The following SH3GL2 variants were observed in gnomAD, a reference collection of about 807,000 sequenced individuals.
The protein encoded by SH3GL2 is endophilin-A1.
A neutral mutation model predicts 46.0 loss-of-function variants in SH3GL2; 24 were observed. That is an observed-to-expected ratio of 0.52 (90% CI 0.38 to 0.73). The LOEUF is 0.73. Among genes scored for constraint, SH3GL2 ranks in the 30% least tolerant of loss-of-function variants. SH3GL2 has a pLI of 0.00. For synonymous variants in SH3GL2, 196 were observed against 147.1 expected, an observed-to-expected ratio of 1.33 and a Z score of -2.40; for missense variants, 413 against 424.2, an observed-to-expected ratio of 0.97 and a Z score of 0.23.
At chr9:17,692,297 G>C (rs1821102087) in intron 1 of SH3GL2, among the ~76,000 whole-genome samples, 1 of 150,096 alleles carries the variant, frequency 6.7e-6, no homozygotes, top group African/African-American at 2.5e-5. Flanking sequence ...TTTTTTGCCT[G>C]AAGAAACCCT....
intron 1 of SH3GL2, among the ~76,000 whole-genome samples, chr9:17,654,054 C>G (rs1053222037): frequency 6.6e-6 from 1 of 152,194 alleles, no homozygotes; most frequent in Non-Finnish European, 1.5e-5. Context: ...ACCCCCCTCT[C>G]TCATTAGCAG....
chr9:17,783,938 A>T (rs1018511633), intron 3 of SH3GL2, among the ~76,000 whole-genome samples: 8 of 152,178 alleles, frequency 5.3e-5, no homozygotes, highest in African/African-American at 1.9e-4. Context: ...GCTCACTCTC[A>T]GTTTCTTAAA....
At chr9:17,742,407 T>A (rs902414107) in intron 1 of SH3GL2, among the ~76,000 whole-genome samples, 1 of 152,146 alleles carries the variant, frequency 6.6e-6, no homozygotes, top group Non-Finnish European at 1.5e-5. Flanking sequence ...TTTTTCTTAT[T>A]TGGTATATGG....
At chr9:17,633,818 T>C (rs940671212) in intron 1 of SH3GL2, among the ~76,000 whole-genome samples, 7 of 152,204 alleles carry the variant, frequency 4.6e-5, no homozygotes, top group South Asian at 2.1e-4. Context: ...AATACCTTTT[T>C]GGGGAGTAGG....
intron 3 of SH3GL2, among the ~76,000 whole-genome samples, chr9:17,772,777 C>A (rs1221750048): frequency 6.6e-6 from 1 of 152,098 alleles, no homozygotes; most frequent in Admixed American, 6.6e-5. Flanking sequence ...CACATTTTAG[C>A]TATTGTGAAT....
intron 3 of SH3GL2, among the ~76,000 whole-genome samples, chr9:17,779,919 A>T (rs921896528): frequency 6.6e-6 from 1 of 152,106 alleles, no homozygotes; most frequent in Non-Finnish European, 1.5e-5. Context: ...TGTGTTCTTT[A>T]TCTCACATTT....
intron 1 of SH3GL2, among the ~76,000 whole-genome samples, chr9:17,611,000 A>G (rs1421761084): frequency 6.6e-6 from 1 of 152,212 alleles, no homozygotes. Context: ...ATTTCTTCTT[A>G]GTGAAGGTTC....
intron 1 of SH3GL2, among the ~76,000 whole-genome samples, chr9:17,702,457 C>T (rs1222380988): frequency 6.6e-6 from 1 of 151,792 alleles, no homozygotes; most frequent in Admixed American, 6.6e-5. Flanking sequence ...AAAAAAACAC[C>T]CATGAGCTGG....
intron 1 of SH3GL2, among the ~76,000 whole-genome samples, chr9:17,652,057 T>G (rs1428343059): frequency 6.6e-6 from 1 of 152,172 alleles, no homozygotes; most frequent in Admixed American, 6.5e-5. Context: ...TTTTTTTTAG[T>G]TCATTGATTT....
At chr9:17,608,004 C>G (rs928247033) in intron 1 of SH3GL2, among the ~76,000 whole-genome samples, 118 of 152,198 alleles carry the variant, frequency 7.8e-4, no homozygotes, top group African/African-American at 2.8e-3. Context: ...CAAGATTTTC[C>G]TTCACCTTAC....
At chr9:17,652,266 A>C (rs1386403499) in intron 1 of SH3GL2, among the ~76,000 whole-genome samples, 1 of 151,994 alleles carries the variant, frequency 6.6e-6, no homozygotes, top group Non-Finnish European at 1.5e-5. Context: ...TTCTCATTAT[A>C]CTTTAAGGAT....
intron 1 of SH3GL2, among the ~76,000 whole-genome samples, chr9:17,659,179 A>G (rs1262154889): frequency 6.6e-6 from 1 of 152,136 alleles, no homozygotes; most frequent in Non-Finnish European, 1.5e-5. Flanking sequence ...AGCGGCCACT[A>G]AGGTCCCTTC....
At chr9:17,729,831 G>A (rs965855969) in intron 1 of SH3GL2, among the ~76,000 whole-genome samples, 13 of 152,098 alleles carry the variant, frequency 8.5e-5, no homozygotes, top group Non-Finnish European at 1.3e-4. Flanking sequence ...ATCTGTTTTG[G>A]TATGAGTACC....
Position 17,604,558 on chromosome 9 carries a change from G to T in SH3GL2, c.45+25271G>T, listed in dbSNP as rs1404081132. ...AGTGGCAATTACTTGTTAGTTCTCTGTCCTTAGCCATGCTGCTTAATTTCT... is the reference window on the plus strand; with the variant it reads ...AGTGGCAATTACTTGTTAGTTCTCTTTCCTTAGCCATGCTGCTTAATTTCT... On this transcript the variant is annotated intron_variant, in intron 1 of 8. Coordinates refer to ENST00000380607, the MANE Select transcript of SH3GL2 (RefSeq NM_003026.5). Among the ~76,000 whole-genome samples the T allele has an allele frequency of 3.3e-5, 5 of 152,216 alleles. No individual in the cohort carries two copies. In the East Asian group the frequency reaches 5.8e-4, roughly 18 times the overall value.
chr9:17,761,620 C>G, intron 3 of SH3GL2, 111 bp downstream of exon 3: 2 of 802,068 alleles, frequency 2.5e-6, no homozygotes. Context: ...CTTCCTCGGT[C>G]CACTTTTCTG....
intron 3 of SH3GL2, among the ~76,000 whole-genome samples, chr9:17,774,417 G>C (rs910037353): frequency 2.6e-5 from 4 of 152,062 alleles, no homozygotes; most frequent in Non-Finnish European, 4.4e-5. Context: ...GATGTTCATT[G>C]TGAGGTTTTC....
intron 3 of SH3GL2, among the ~76,000 whole-genome samples, chr9:17,784,749 G>T (rs1003942986): frequency 6.6e-6 from 1 of 152,124 alleles, no homozygotes; most frequent in African/African-American, 2.4e-5. Flanking sequence ...ACAGGCTCTT[G>T]CTGTGTCACC....
intron 1 of SH3GL2, among the ~76,000 whole-genome samples, chr9:17,655,520 C>G (rs1820053274): frequency 6.6e-6 from 1 of 152,102 alleles, no homozygotes; most frequent in East Asian, 1.9e-4. Flanking sequence ...TAAGTTGAGT[C>G]TGAATAGTCA....
At chr9:17,761,614 C>G (rs1400553895) in intron 3 of SH3GL2, 105 bp downstream of exon 3, 3 of 810,510 alleles carry the variant, frequency 3.7e-6, no homozygotes, top group Non-Finnish European at 6.6e-6. Context: ...GTGTTGCTTC[C>G]TCGGTCCACT....
Sources: gnomAD v4.1 joint callset for allele counts (sites outside exome capture counted in the v4.1 genomes callset) on GRCh38, gnomAD v4.1.1 for gene constraint, MANE v1.5 for transcripts, NCBI Gene and HGNC (gene_info 2026-07-23, HGNC 2026-07-21) for gene names.